The following NEBL variants were observed in gnomAD, a reference collection of about 807,000 sequenced individuals.
NEBL encodes the protein nebulette, also known as LIM and SH3 protein 2.
A neutral mutation model predicts 140.2 loss-of-function variants in NEBL; 122 were observed. That is an observed-to-expected ratio of 0.87 (90% CI 0.75 to 1.01). The LOEUF is 1.01. NEBL is among the 50% of genes least tolerant of loss of function. The pLI, the probability that NEBL is intolerant of heterozygous loss-of-function variation, is 0.00. For missense variants in NEBL, 1,365 were observed against 1,231.3 expected (o/e 1.11, Z -1.62); for synonymous variants, 436 against 398.9 (o/e 1.09, Z -1.11).
chr10:21,118,278 C>T (rs74621501), intron 2 of NEBL, among the ~76,000 whole-genome samples: 2,098 of 152,238 alleles, frequency 0.014, 45 homozygotes, highest in African/African-American at 0.045. Context: ...GGTTTTCTTC[C>T]AGTCAGGATC....
chr10:20,965,239 A>G (rs1344471906), intron 3 of NEBL, among the ~76,000 whole-genome samples: 1 of 152,200 alleles, frequency 6.6e-6, no homozygotes, highest in African/African-American at 2.4e-5. Flanking sequence ...TTACAATGCA[A>G]GAGATGAAAA....
rs1841186678 is a variant in NEBL, at chr10:21,173,712, G to A, written c.69+53C>T. 2.5e-6 allele frequency: 4 copies of A among 1,610,054 alleles called. No homozygotes were observed. In the Admixed American group the frequency reaches 6.7e-5, roughly 27 times the overall value. ...CCAGGTGCCAAAACTTCTCGAAGCA[G>A]GTGCAGCCCCTCGCCCGGCAGGTCC... On this transcript the variant is annotated intron_variant, in intron 1 of 6. Transcript: ENST00000417816. This position sits in a 1 kb window ranked among gnomAD's most constrained non-coding sequence, Gnocchi z 5.7.
intron 4 of NEBL, among the ~76,000 whole-genome samples, chr10:20,942,520 T>C (rs1834928075): frequency 6.6e-6 from 1 of 152,200 alleles, no homozygotes; most frequent in African/African-American, 2.4e-5. Context: ...ATTCAGGACA[T>C]AGGCATGGGC....
chr10:20,814,617 T>TACACACACACAC (rs3990287), intron 22 of NEBL, among the ~76,000 whole-genome samples: 28,700 of 146,278 alleles, frequency 0.2, 2,961 homozygotes, highest in East Asian at 0.4. Context: ...CATACACACA[T>TACACACACACAC]ACACACACAC....
chr10:21,037,857 G>A (rs1387007165), intron 2 of NEBL, among the ~76,000 whole-genome samples: 1 of 152,076 alleles, frequency 6.6e-6, no homozygotes, highest in African/African-American at 2.4e-5. Context: ...TAAGGAAACT[G>A]TAGACAAATT....
intron 2 of NEBL, among the ~76,000 whole-genome samples, chr10:21,066,783 A>C (rs142346030): frequency 6.6e-6 from 1 of 151,086 alleles, no homozygotes; most frequent in African/African-American, 2.4e-5. Context: ...CCCATCTACA[A>C]AATCATTGTT....
intron 2 of NEBL, chr10:21,146,414 C>T: frequency 9.5e-7 from 1 of 1,056,834 alleles, no homozygotes; most frequent in Non-Finnish European, 1.2e-6. Flanking sequence ...AGCACAAACA[C>T]TCTCTCTCAT....
chr10:21,265,543 GT>G (rs1842788323), intron 1 of NEBL, among the ~76,000 whole-genome samples: 1 of 152,156 alleles, frequency 6.6e-6, no homozygotes, highest in Non-Finnish European at 1.5e-5. Context: ...TCAGAAGCAG[GT>G]TTTGATGCAA....
At chr10:20,797,158 A>G (rs1042216295) in intron 26 of NEBL, among the ~76,000 whole-genome samples, 1 of 152,156 alleles carries the variant, frequency 6.6e-6, no homozygotes. Flanking sequence ...GCAAATCCCA[A>G]TTTTCCTCAG....
intron 2 of NEBL, among the ~76,000 whole-genome samples, chr10:21,051,331 C>T (rs977186285): frequency 6.6e-6 from 1 of 152,078 alleles, no homozygotes; most frequent in Non-Finnish European, 1.5e-5. Flanking sequence ...TTAATGAGTA[C>T]ACAATGTGTA....
chr10:20,788,785 T>C (rs1322137979), intron 26 of NEBL, among the ~76,000 whole-genome samples: 5 of 152,162 alleles, frequency 3.3e-5, no homozygotes, highest in African/African-American at 1.2e-4. Flanking sequence ...GTTAAAGATA[T>C]TGTCAAAATC....
intron 26 of NEBL, among the ~76,000 whole-genome samples, chr10:20,800,859 G>A (rs942339775): frequency 3.0e-4 from 45 of 152,014 alleles, no homozygotes; most frequent in African/African-American, 8.5e-4. Flanking sequence ...AAAGCTCCAG[G>A]AATGGATTAA....
At chr10:21,025,133 G>A (rs1008592516) in intron 2 of NEBL, among the ~76,000 whole-genome samples, 2 of 151,818 alleles carry the variant, frequency 1.3e-5, no homozygotes, top group African/African-American at 4.8e-5. Flanking sequence ...AGAAATGGAT[G>A]TTCAAAGAGA....
In NEBL at chr10:20,830,912, T is replaced by TAA. The variant is rs371760760; in HGVS notation, c.1671+282_1671+283dup. Among the ~76,000 whole-genome samples, 15,623 of 91,984 alleles carry TAA rather than the reference T, an allele frequency of 0.17. 1,885 individuals are homozygous for TAA. The highest frequency in any genetic ancestry group is 0.39 in the African/African-American group (9,253 of 23,750). The allele number at this position is 91,984 out of a possible 152,430, so 60.3% of individuals were successfully genotyped here. A position where few individuals can be genotyped will look rare whatever the true frequency, so the allele number is the denominator to read the frequency against. On this transcript the variant is annotated intron_variant, in intron 16 of 27. Coordinates refer to ENST00000377122, the MANE Select transcript of NEBL (RefSeq NM_006393.3). Reference sequence around the variant, plus strand: ...GAGTGAGACCTCCATCTCTAAAATTTAAAAAAAAAAAAAAAAAAAAAAAGG... The same window carrying TAA: ...GAGTGAGACCTCCATCTCTAAAATTTAAAAAAAAAAAAAAAAAAAAAAAAAGG...
chr10:21,045,476 T>A (rs752864918), intron 2 of NEBL, among the ~76,000 whole-genome samples: 20 of 152,280 alleles, frequency 1.3e-4, no homozygotes, highest in Non-Finnish European at 2.8e-4. Flanking sequence ...GCTTAAATAA[T>A]CAATCTACTC....
At chr10:21,122,323 G>T (rs1168793360) in intron 2 of NEBL, among the ~76,000 whole-genome samples, 1 of 151,896 alleles carries the variant, frequency 6.6e-6, no homozygotes, top group East Asian at 1.9e-4. Context: ...ACCACGCCCA[G>T]CCGGGATCTC....
At chr10:21,080,365 T>C (rs1836309034) in intron 2 of NEBL, among the ~76,000 whole-genome samples, 1 of 152,242 alleles carries the variant, frequency 6.6e-6, no homozygotes, top group South Asian at 2.1e-4. Context: ...TTCTCAATTG[T>C]GGTAAATATT....
intron 2 of NEBL, among the ~76,000 whole-genome samples, chr10:21,031,363 C>T (rs756062726): frequency 1.3e-5 from 2 of 152,130 alleles, no homozygotes; most frequent in African/African-American, 4.8e-5. Context: ...TTTCCCCTAG[C>T]AGAGGGAACA....
At chr10:20,893,892 A>G (rs1001137120) in intron 2 of NEBL, among the ~76,000 whole-genome samples, 2 of 152,210 alleles carry the variant, frequency 1.3e-5, no homozygotes, top group Non-Finnish European at 2.9e-5. Flanking sequence ...GAAATTAGGA[A>G]TGAAATGGCT....
Sources: gnomAD v4.1 joint callset for allele counts (sites outside exome capture counted in the v4.1 genomes callset) on GRCh38, gnomAD v4.1.1 for gene constraint, Gnocchi (gnomAD v3.1) non-coding constraint, MANE v1.5 for transcripts, NCBI Gene and HGNC (gene_info 2026-07-23, HGNC 2026-07-21) for gene names.